The following CLVS1 variants were observed in gnomAD, a reference collection of about 807,000 sequenced individuals.
The protein encoded by CLVS1 is clavesin 1, also known as clavesin-1.
Under a neutral mutation model 33.1 loss-of-function variants are expected in CLVS1, and 10 were observed. The ratio of observed to expected loss-of-function variants is 0.30; its 90% CI spans 0.19 to 0.51. CLVS1 has a LOEUF of 0.51. Ranked by LOEUF, CLVS1 falls within the 20% of genes least tolerant of loss-of-function variation. The pLI, the probability that CLVS1 is intolerant of heterozygous loss-of-function variation, is 0.97. For synonymous variants in CLVS1, 163 were observed against 166.1 expected (o/e 0.98, Z 0.14); for missense variants, 343 against 433.4 (o/e 0.79, Z 1.85).
chr8:61,205,956 A>G (rs1195688743), intron 2 of CLVS1, among the ~76,000 whole-genome samples: 1 of 152,134 alleles, frequency 6.6e-6, no homozygotes, highest in Non-Finnish European at 1.5e-5. Flanking sequence ...TGTCTCTTTC[A>G]TTAGCCTGTA....
chr8:61,418,813 G>A (rs1815541610), intron 3 of CLVS1, among the ~76,000 whole-genome samples: 1 of 152,222 alleles, frequency 6.6e-6, no homozygotes, highest in Non-Finnish European at 1.5e-5. Context: ...ATGAGTGAGA[G>A]TTGATTGAAC....
intron 2 of CLVS1, among the ~76,000 whole-genome samples, chr8:61,167,748 T>C (rs1182492778): frequency 1.3e-5 from 2 of 151,872 alleles, no homozygotes; most frequent in African/African-American, 4.8e-5. Flanking sequence ...ATAAAACAGG[T>C]TGTAGTAAAG....
chr8:60,966,301 G>A, the CLVS1 span: 2 of 450,970 alleles, frequency 4.4e-6, no homozygotes, highest in African/African-American at 4.0e-5. Context: ...CCCAGGTGAA[G>A]GGATCCTCAA....
At chr8:61,310,393 G>A (rs1810790197) in intron 2 of CLVS1, among the ~76,000 whole-genome samples, 1 of 152,206 alleles carries the variant, frequency 6.6e-6, no homozygotes, top group Admixed American at 6.5e-5. Flanking sequence ...CAGCTGGCAA[G>A]TGGCTAAACC....
chr8:61,015,545 C>A, the CLVS1 span, among the ~76,000 whole-genome samples: 1 of 152,200 alleles, frequency 6.6e-6, no homozygotes, highest in Non-Finnish European at 1.5e-5. Context: ...CTCATCCACT[C>A]TGAGTCATGT....
intron 2 of CLVS1, among the ~76,000 whole-genome samples, chr8:61,137,643 C>T (rs1252787766): frequency 1.3e-5 from 2 of 152,178 alleles, no homozygotes; most frequent in Admixed American, 1.3e-4. Flanking sequence ...GACTGTTTCT[C>T]TGCTATGTCC....
chr8:61,021,377 G>A, the CLVS1 span, among the ~76,000 whole-genome samples: 2 of 152,130 alleles, frequency 1.3e-5, no homozygotes, highest in Non-Finnish European at 2.9e-5. Flanking sequence ...TTGAGATGGA[G>A]TCCCGCCCTG....
chr8:61,364,996 T>C (rs1813135982), intron 2 of CLVS1, among the ~76,000 whole-genome samples: 1 of 152,224 alleles, frequency 6.6e-6, no homozygotes, highest in East Asian at 1.9e-4. Flanking sequence ...TTCAGAAAGG[T>C]ACCTCTTGAT....
the CLVS1 span, among the ~76,000 whole-genome samples, chr8:60,987,055 C>T: frequency 2.0e-5 from 3 of 152,186 alleles, no homozygotes; most frequent in South Asian, 6.2e-4. Flanking sequence ...TCTGGGAGTT[C>T]AGACAGAAGA....
At chr8:61,242,089 A>G (rs1808708608) in intron 2 of CLVS1, among the ~76,000 whole-genome samples, 1 of 151,728 alleles carries the variant, frequency 6.6e-6, no homozygotes, top group Non-Finnish European at 1.5e-5. Flanking sequence ...ACCCATCTTG[A>G]GTTTTTAGCA....
intron 2 of CLVS1, among the ~76,000 whole-genome samples, chr8:61,166,718 C>T (rs1303391934): frequency 6.6e-6 from 1 of 152,028 alleles, no homozygotes; most frequent in East Asian, 1.9e-4. Flanking sequence ...ACCTAAGAAA[C>T]TACCCCCTTT....
At chr8:61,255,427 A>G (rs1809057603) in intron 2 of CLVS1, among the ~76,000 whole-genome samples, 1 of 152,226 alleles carries the variant, frequency 6.6e-6, no homozygotes, top group Non-Finnish European at 1.5e-5. Context: ...TGCTGAGGTT[A>G]TAGCAGGAAA....
the CLVS1 span, among the ~76,000 whole-genome samples, chr8:61,016,759 C>T: frequency 1.3e-5 from 2 of 152,164 alleles, no homozygotes; most frequent in Non-Finnish European, 2.9e-5. Context: ...TTCCGAGACT[C>T]CCCAGAATAC....
chr8:61,203,650 C>A (rs768516530), intron 2 of CLVS1, among the ~76,000 whole-genome samples: 1 of 151,976 alleles, frequency 6.6e-6, no homozygotes, highest in African/African-American at 2.4e-5. Flanking sequence ...TGAAGAGGAA[C>A]CTTTATTTTT....
intron 3 of CLVS1, among the ~76,000 whole-genome samples, chr8:61,383,320 G>A (rs1813958881): frequency 6.6e-6 from 1 of 152,218 alleles, no homozygotes; most frequent in African/African-American, 2.4e-5. Flanking sequence ...TTGCAGTGTG[G>A]TGATTAATGA....
intron 3 of CLVS1, among the ~76,000 whole-genome samples, chr8:61,420,561 C>G (rs1247402277): frequency 6.6e-6 from 1 of 151,940 alleles, no homozygotes; most frequent in African/African-American, 2.4e-5. Context: ...GAGATCGCAC[C>G]ACTGCACTCC....
chr8:61,114,859 A>G (rs1484954697), intron 1 of CLVS1, among the ~76,000 whole-genome samples: 1 of 152,160 alleles, frequency 6.6e-6, no homozygotes, highest in African/African-American at 2.4e-5. Context: ...TGAAAACCCA[A>G]ACAAAACAAA....
chr8:61,197,862 G>A lies in CLVS1; in HGVS notation c.-152+66002G>A, dbSNP rs570053167. Reference sequence around the variant, plus strand: ...CTCTCCACTGTGAAAGGGCAGCACCGAGTTCAATGTAAAGTCCTATAGTCA... The same window carrying A: ...CTCTCCACTGTGAAAGGGCAGCACCAAGTTCAATGTAAAGTCCTATAGTCA... On this transcript the variant is annotated intron_variant, in intron 2 of 2. Coordinates refer to the CLVS1 transcript ENST00000522621. 1.8e-4 allele frequency among the ~76,000 whole-genome samples: 28 copies of A among 152,268 alleles called. No homozygotes were observed. In the South Asian group the frequency reaches 4.1e-3, roughly 23 times the overall value.
At chr8:61,348,736 C>T (rs575687084) in intron 2 of CLVS1, among the ~76,000 whole-genome samples, 22 of 152,094 alleles carry the variant, frequency 1.4e-4, no homozygotes, top group Admixed American at 1.1e-3. Flanking sequence ...GACTATATAC[C>T]CAGAGATGGG....
Sources: gnomAD v4.1 joint callset for allele counts (sites outside exome capture counted in the v4.1 genomes callset) on GRCh38, gnomAD v4.1.1 for gene constraint, MANE v1.5 for transcripts, NCBI Gene and HGNC (gene_info 2026-07-23, HGNC 2026-07-21) for gene names.